EVI5: variants seen among roughly 807,000 people sequenced by gnomAD.
The protein encoded by EVI5 is ecotropic viral integration site 5.
A neutral mutation model predicts 112.0 loss-of-function variants in EVI5; 73 were observed. The ratio of observed to expected loss-of-function variants is 0.65; its 90% CI spans 0.54 to 0.79. The LOEUF (loss-of-function observed/expected upper bound fraction) is 0.79. EVI5 is among the 30% of genes least tolerant of loss of function. The pLI is 0.00. For missense variants in EVI5, 900 were observed against 968.8 expected, an observed-to-expected ratio of 0.93 and a Z score of 0.94; for synonymous variants, 305 against 319.9, an observed-to-expected ratio of 0.95 and a Z score of 0.50.
intron 13 of EVI5, among the ~76,000 whole-genome samples, chr1:92,655,145 G>A (rs1235040198): frequency 2.0e-5 from 3 of 151,806 alleles, no homozygotes; most frequent in Non-Finnish European, 2.9e-5. Flanking sequence ...AAAATACAGT[G>A]CAAGAAGGAC....
chr1:92,625,092 T>G (rs564704224), intron 15 of EVI5, among the ~76,000 whole-genome samples: 1 of 152,262 alleles, frequency 6.6e-6, no homozygotes, highest in South Asian at 2.1e-4. Flanking sequence ...CATATTATCT[T>G]CAATGAAATC....
At chr1:92,709,134 T>C (rs971429770) in intron 2 of EVI5, among the ~76,000 whole-genome samples, 7 of 152,192 alleles carry the variant, frequency 4.6e-5, no homozygotes, top group Non-Finnish European at 1.0e-4. Context: ...AAAGCCATTA[T>C]ACAAAAAAGA....
In EVI5 at chr1:92,513,865, C is replaced by T. The variant is rs1325116390; in HGVS notation, c.2272G>A (p.Asp758Asn). ...IGDDESFHSS[D>N]EDFIDNSLQE... Reference sequence around the variant, plus strand: ...AAGGAATTATCTATAAAATCTTCATCGGAGGAATGGAATGATTCATCATCT... The same window carrying T: ...AAGGAATTATCTATAAAATCTTCATTGGAGGAATGGAATGATTCATCATCT... Residue 758 changes from aspartate to asparagine, a missense_variant, in exon 20 of 20, where the codon GAT becomes AAT. Asp to Asn is a conservative substitution (Grantham distance 23). Transcript: ENST00000684568. 5.0e-6 allele frequency: 8 copies of T among 1,612,922 alleles called. No individual in the cohort carries two copies. Among genetic ancestry groups the T allele is most frequent in the African/African-American group, 2.7e-5 (2 of 74,774 alleles).
At chr1:92,634,516 G>A (rs1350579791) in intron 14 of EVI5, among the ~76,000 whole-genome samples, 21 of 152,154 alleles carry the variant, frequency 1.4e-4, no homozygotes, top group Admixed American at 1.3e-3. Flanking sequence ...TCGTGCCGTG[G>A]TTTTCAGCTC....
chr1:92,608,396 A>T (rs1650944885), intron 16 of EVI5, among the ~76,000 whole-genome samples: 1 of 152,168 alleles, frequency 6.6e-6, no homozygotes, highest in African/African-American at 2.4e-5. Flanking sequence ...CCAGAAAGAA[A>T]GCACAAACCA....
At chr1:92,671,760 T>C (rs543098782) in intron 10 of EVI5, among the ~76,000 whole-genome samples, 2 of 151,890 alleles carry the variant, frequency 1.3e-5, no homozygotes, top group Admixed American at 6.6e-5. Flanking sequence ...TTGAAATCTA[T>C]TCAGAATCCA....
intron 14 of EVI5, among the ~76,000 whole-genome samples, chr1:92,627,563 A>G (rs1655956123): frequency 6.6e-6 from 1 of 152,196 alleles, no homozygotes; most frequent in South Asian, 2.1e-4. Context: ...TGCTGGATCA[A>G]ATGGTACTTC....
intron 18 of EVI5, among the ~76,000 whole-genome samples, chr1:92,571,587 G>A (rs114618789): frequency 3.8e-4 from 58 of 152,090 alleles, no homozygotes; most frequent in African/African-American, 1.4e-3. Flanking sequence ...TTAAAACAGG[G>A]TAACTATATT....
intron 19 of EVI5, among the ~76,000 whole-genome samples, chr1:92,553,297 ATTTTT>A (rs147973775): frequency 1.3e-5 from 1 of 74,214 alleles, no homozygotes; most frequent in Non-Finnish European, 2.4e-5. Flanking sequence ...CACCTGGCCA[ATTTTT>A]TTTTTTTTTT....
intron 1 of EVI5, among the ~76,000 whole-genome samples, chr1:92,746,739 A>G (rs552606553): frequency 3.3e-5 from 5 of 151,986 alleles, no homozygotes; most frequent in Non-Finnish European, 7.4e-5. Context: ...CAAAAAATTA[A>G]AAAGAAAATT....
At chr1:92,570,303 T>TC (rs200396490) in intron 18 of EVI5, among the ~76,000 whole-genome samples, 14 of 151,688 alleles carry the variant, frequency 9.2e-5, no homozygotes, top group Admixed American at 2.6e-4. Context: ...TAGGTGTTTT[T>TC]TTTTTTTTTT....
intron 19 of EVI5, among the ~76,000 whole-genome samples, chr1:92,520,525 T>C (rs1438618508): frequency 6.6e-6 from 1 of 152,060 alleles, no homozygotes; most frequent in African/African-American, 2.4e-5. Flanking sequence ...GAGATAAATC[T>C]TTCCCCGTGT....
chr1:92,760,972 G>A (rs1415501947), intron 1 of EVI5, among the ~76,000 whole-genome samples: 2 of 147,472 alleles, frequency 1.4e-5, no homozygotes, highest in African/African-American at 5.0e-5. Context: ...GCAGGAGAAT[G>A]GCATGAACCC....
upstream of EVI5, among the ~76,000 whole-genome samples, chr1:92,788,811 C>CA (rs1025691917): frequency 6.6e-5 from 10 of 151,418 alleles, no homozygotes; most frequent in Non-Finnish European, 1.3e-4. Context: ...ACAACAACAA[C>CA]AAAAAAAACC....
At chr1:92,784,434 G>A in intron 1 of EVI5, 1 of 985,214 alleles carries the variant, frequency 1.0e-6, no homozygotes, top group Non-Finnish European at 1.2e-6. Flanking sequence ...TTGCAAGTCA[G>A]GGGGGCGAGT....
chr1:92,589,464 T>C (rs1196709850), intron 18 of EVI5, among the ~76,000 whole-genome samples: 1 of 152,124 alleles, frequency 6.6e-6, no homozygotes, highest in Non-Finnish European at 1.5e-5. Context: ...CACCAGGAGA[T>C]TGTATCCTGT....
chr1:92,736,762 T>A, intron 1 of EVI5, 135 bp from the exon 2 acceptor site: 1 of 661,456 alleles, frequency 1.5e-6, no homozygotes, highest in Non-Finnish European at 2.6e-6. Context: ...TAAAACCTGT[T>A]TTAGCAACAA....
At chr1:92,576,797 A>G (rs1671157631) in intron 18 of EVI5, among the ~76,000 whole-genome samples, 1 of 152,206 alleles carries the variant, frequency 6.6e-6, no homozygotes, top group Non-Finnish European at 1.5e-5. Flanking sequence ...TAAGAATCTG[A>G]GCCCTTTGAT....
chr1:92,627,408 T>G (rs1655923759), intron 14 of EVI5, among the ~76,000 whole-genome samples: 1 of 152,244 alleles, frequency 6.6e-6, no homozygotes, highest in African/African-American at 2.4e-5. Flanking sequence ...AGTTTCTTTA[T>G]CCACTTGTTG....
Sources: gnomAD v4.1 joint callset for allele counts (sites outside exome capture counted in the v4.1 genomes callset) on GRCh38, gnomAD v4.1.1 for gene constraint, MANE v1.5 for transcripts, NCBI Gene and HGNC (gene_info 2026-07-23, HGNC 2026-07-21) for gene names.